RNF220: variants seen among roughly 807,000 people sequenced by gnomAD.
RNF220 encodes the protein ring finger protein 220.
Under a neutral mutation model 67.1 loss-of-function variants are expected in RNF220, and 7 were observed. The ratio of observed to expected loss-of-function variants is 0.10; its 90% confidence interval spans 0.06 to 0.20. The LOEUF (loss-of-function observed/expected upper bound fraction) is 0.20, where lower values mean the gene tolerates loss of function less well. Ranked by LOEUF, RNF220 falls within the 10% of genes least tolerant of loss-of-function variation. The pLI is 1.00. For missense variants in RNF220, 565 were observed against 740.3 expected (o/e 0.76, Z 2.75); for synonymous variants, 270 against 283.2 (o/e 0.95, Z 0.47).
At chr1:44,497,006 G>A (rs1349749654) in intron 2 of RNF220, among the ~76,000 whole-genome samples, 2 of 152,114 alleles carry the variant, frequency 1.3e-5, no homozygotes, top group Non-Finnish European at 2.9e-5. Context: ...AAGGTGAAGA[G>A]TCCTGGCCTG....
chr1:44,635,699 C>G, intron 7 of RNF220, 111 bp downstream of exon 7: 1 of 1,558,702 alleles, frequency 6.4e-7, no homozygotes, highest in Non-Finnish European at 8.7e-7. Flanking sequence ...CCTTCCTTCC[C>G]CGCTCCCTTC....
intron 2 of RNF220, among the ~76,000 whole-genome samples, chr1:44,488,727 CTTTTTTTT>C (rs55968850): frequency 1.7e-4 from 17 of 102,558 alleles, no homozygotes; most frequent in East Asian, 6.8e-4. Flanking sequence ...TTTCTTTTTT[CTTTTTTTT>C]TTTTTTTTTT....
Position 44,451,438 on chromosome 1 carries a change from A to G in RNF220, c.625+38716A>G, listed in dbSNP as rs147525288. On this transcript the variant is annotated intron_variant, in intron 2 of 14. Transcript: ENST00000361799. Reference sequence around the variant, plus strand: ...TATTTGTTCTGTGAATTGCCTGTTTATATTGTCTTTTTCTCTATTAGATTG... The same window carrying G: ...TATTTGTTCTGTGAATTGCCTGTTTGTATTGTCTTTTTCTCTATTAGATTG... Among the ~76,000 whole-genome samples the G allele has an allele frequency of 8.6e-3, 1,303 of 152,024 alleles. 17 individuals carry two copies. The highest frequency in any genetic ancestry group is 0.03 in the African/African-American group (1,235 of 41,468).
chr1:44,517,905 G>A (rs1459301873), intron 2 of RNF220, among the ~76,000 whole-genome samples: 1 of 152,084 alleles, frequency 6.6e-6, no homozygotes, highest in African/African-American at 2.4e-5. Flanking sequence ...TCAGGAGTTC[G>A]AGACCAGCCT....
intron 3 of RNF220, among the ~76,000 whole-genome samples, chr1:44,618,599 G>A (rs1028448059): frequency 1.3e-5 from 2 of 152,254 alleles, no homozygotes; most frequent in Non-Finnish European, 2.9e-5. Context: ...ATGGAGGACA[G>A]ATTGTGGAGG....
At position 44,554,869 on chromosome 1, in the gene RNF220, T is replaced by C. The variant is rs554571163; in HGVS notation, c.626-59296T>C. Among the ~76,000 whole-genome samples, 6 of 152,276 alleles carry C rather than the reference T, an allele frequency of 3.9e-5. 1 individual carries two copies. In the South Asian group the frequency reaches 6.2e-4, roughly 16 times the overall value. ...GCTTGGTTGTTCTAGTTCAGACCTGTCTTTGTCCCTCCTCTTAGATTTTTG... is the reference window on the plus strand; with the variant it reads ...GCTTGGTTGTTCTAGTTCAGACCTGCCTTTGTCCCTCCTCTTAGATTTTTG... On this transcript the variant is annotated intron_variant, in intron 2 of 14. Coordinates refer to ENST00000361799, the MANE Select transcript of RNF220 (RefSeq NM_018150.4).
intron 2 of RNF220, among the ~76,000 whole-genome samples, chr1:44,422,167 T>G (rs551681361): frequency 6.6e-6 from 1 of 152,314 alleles, no homozygotes; most frequent in East Asian, 1.9e-4. Context: ...GGAGAAAGTC[T>G]GGGATTTAGG....
At chr1:44,465,378 ATATAT>A (rs1042064584) in intron 2 of RNF220, among the ~76,000 whole-genome samples, 5 of 150,768 alleles carry the variant, frequency 3.3e-5, no homozygotes, top group Admixed American at 6.6e-5. Flanking sequence ...AATATATTAA[ATATAT>A]TATATTAAAT....
intron 2 of RNF220, among the ~76,000 whole-genome samples, chr1:44,608,418 G>GGGTA (rs1243198083): frequency 1.3e-5 from 2 of 152,146 alleles, no homozygotes; most frequent in Non-Finnish European, 1.5e-5. Context: ...CTAGGTGAGT[G>GGGTA]GGTAGGTAGG....
At chr1:44,430,076 A>G (rs12034607) in intron 2 of RNF220, among the ~76,000 whole-genome samples, 4 of 131,158 alleles carry the variant, frequency 3.0e-5, no homozygotes, top group East Asian at 3.9e-4. Context: ...TACAGAGAGA[A>G]AAAAAAAAAA....
chr1:44,613,483 G>A (rs1373675784), intron 2 of RNF220, among the ~76,000 whole-genome samples: 1 of 152,246 alleles, frequency 6.6e-6, no homozygotes, highest in Non-Finnish European at 1.5e-5. Context: ...GGCCAGGTGC[G>A]GTGGCTCATG....
At chr1:44,430,967 TG>T (rs1650303167) in intron 2 of RNF220, among the ~76,000 whole-genome samples, 1 of 152,256 alleles carries the variant, frequency 6.6e-6, no homozygotes, top group Admixed American at 6.5e-5. Flanking sequence ...CCTCTGGTTC[TG>T]TAATTACTAC....
intron 2 of RNF220, among the ~76,000 whole-genome samples, chr1:44,453,383 G>A (rs1319590442): frequency 6.6e-6 from 1 of 151,986 alleles, no homozygotes; most frequent in Non-Finnish European, 1.5e-5. Context: ...TCTTGTTCCT[G>A]ACTTCAATAG....
chr1:44,422,335 T>TA (rs997235420), intron 2 of RNF220, among the ~76,000 whole-genome samples: 249 of 147,944 alleles, frequency 1.7e-3, no homozygotes, highest in Admixed American at 5.5e-3. Context: ...GCAGTAAAAT[T>TA]AAAAAAAAAA....
intron 1 of RNF220, among the ~76,000 whole-genome samples, chr1:44,411,700 G>T (rs895738262): frequency 6.6e-6 from 1 of 152,204 alleles, no homozygotes; most frequent in Non-Finnish European, 1.5e-5. Context: ...ATCGTATTTG[G>T]AGGTTTTATG....
In RNF220 at chr1:44,614,355, C is replaced by T; in HGVS notation, c.758+58C>T. The T allele has an allele frequency of 3.1e-6, 5 of 1,587,664 alleles. No individual in the cohort carries two copies. The South Asian group carries it at 3.4e-5, about 11-fold the overall frequency. Reference sequence around the variant, plus strand: ...AGGAGTCCACTCAGGGTTCTGGCCACCGGATCCCAGAAGCAGCCGCCTGGC... The same window carrying T: ...AGGAGTCCACTCAGGGTTCTGGCCATCGGATCCCAGAAGCAGCCGCCTGGC... On this transcript the variant is annotated intron_variant, in intron 3 of 14. Coordinates refer to ENST00000361799, the MANE Select transcript of RNF220 (RefSeq NM_018150.4).
chr1:44,433,074 C>T (rs1179678586), intron 2 of RNF220, among the ~76,000 whole-genome samples: 1 of 151,896 alleles, frequency 6.6e-6, no homozygotes, highest in Non-Finnish European at 1.5e-5. Flanking sequence ...GGACTACAGG[C>T]GTGCGTCACT....
rs373683067 is a variant in RNF220, at chr1:44,548,721, G to A, written c.626-65444G>A. ...TGCCCAGGCTGGTCTCGAACTCCTG[G>A]CCTCAGGCAATCCTCCTACTTCAGC... On this transcript the variant is annotated intron_variant, in intron 2 of 14. Transcript: ENST00000361799. Among the ~76,000 whole-genome samples, 111 of 152,124 alleles carry A rather than the reference G, an allele frequency of 7.3e-4. 2 individuals are homozygous for A. The East Asian group carries it at 0.013, about 18-fold the overall frequency.
At chr1:44,442,657 G>A (rs1358132651) in intron 2 of RNF220, among the ~76,000 whole-genome samples, 3 of 151,734 alleles carry the variant, frequency 2.0e-5, no homozygotes, top group Admixed American at 6.6e-5. Context: ...TGGAGTTACC[G>A]GCGTGCACTA....
Sources: allele counts gnomAD v4.1 joint callset (sites outside exome capture counted in the v4.1 genomes callset), GRCh38; gene constraint gnomAD v4.1.1; transcripts MANE v1.5; gene names NCBI Gene and HGNC (gene_info 2026-07-23, HGNC 2026-07-21).